The following FHL2 variants were observed in gnomAD, a reference collection of about 807,000 sequenced individuals.
FHL2 encodes four and a half LIM domains 2, also known as four and a half LIM domains protein 2.
FHL2 carries 20 observed loss-of-function variants against 32.7 expected under a neutral mutation model. The ratio of observed to expected loss-of-function variants is 0.61; its 90% CI spans 0.43 to 0.89. FHL2 has a LOEUF of 0.89. Ranked by LOEUF, FHL2 falls within the 40% of genes least tolerant of loss-of-function variation. FHL2 has a pLI of 0.00. For synonymous variants in FHL2, 123 were observed against 128.1 expected (o/e 0.96, Z 0.27); for missense variants, 311 against 358.6 (o/e 0.87, Z 1.07).
At chr2:105,373,888 C>T (rs1418717686) in intron 3 of FHL2, among the ~76,000 whole-genome samples, 155 bp from the exon 4 acceptor site, 1 of 152,234 alleles carries the variant, frequency 6.6e-6, no homozygotes, top group African/African-American at 2.4e-5. Context: ...GACCACCTAA[C>T]TGCTGAAATC....
chr2:105,366,051 C>CA (rs140245194), intron 5 of FHL2, among the ~76,000 whole-genome samples: 1,876 of 149,952 alleles, frequency 0.013, 48 homozygotes, highest in African/African-American at 0.044. Flanking sequence ...ACTAAAAATA[C>CA]AAAAAAAACC....
chr2:105,393,814 C>T (rs1682911380), intron 2 of FHL2, among the ~76,000 whole-genome samples: 2 of 152,350 alleles, frequency 1.3e-5, no homozygotes, highest in South Asian at 2.1e-4. Flanking sequence ...TCGCTGCCCT[C>T]GTCCCTCCTT....
intron 1 of FHL2, among the ~76,000 whole-genome samples, chr2:105,435,639 T>C (rs1166482975): frequency 2.0e-5 from 3 of 151,950 alleles, no homozygotes; most frequent in African/African-American, 7.3e-5. Context: ...CTGGCCAACA[T>C]GACGAAACAC....
upstream of FHL2, among the ~76,000 whole-genome samples, chr2:105,403,944 G>A (rs1328623329): frequency 6.6e-6 from 1 of 152,194 alleles, no homozygotes; most frequent in Non-Finnish European, 1.5e-5. Flanking sequence ...TCTGGGAGAG[G>A]CCAAAGAAAG....
At chr2:105,358,762 G>A (rs1355909956), downstream of FHL2, 1 of 152,196 alleles carries the variant, frequency 6.6e-6, no homozygotes, top group African/African-American at 2.4e-5. Flanking sequence ...TATCTGTAAA[G>A]TCCTGTCAGT....
chr2:105,403,249 G>A (rs190769014), upstream of FHL2, among the ~76,000 whole-genome samples: 9 of 152,308 alleles, frequency 5.9e-5, no homozygotes, highest in Non-Finnish European at 8.8e-5. Flanking sequence ...AAGAATTAAG[G>A]TTCAGATCCT....
chr2:105,372,482 TG>T (rs1681151432), intron 4 of FHL2, among the ~76,000 whole-genome samples: 1 of 152,020 alleles, frequency 6.6e-6, no homozygotes, highest in Non-Finnish European at 1.5e-5. Flanking sequence ...TCCTTAGCCT[TG>T]CAAAGTGCTG....
chr2:105,420,063 T>C (rs1684052971), intron 1 of FHL2, among the ~76,000 whole-genome samples: 1 of 152,190 alleles, frequency 6.6e-6, no homozygotes, highest in African/African-American at 2.4e-5. Flanking sequence ...CAATGCCCCA[T>C]TGTGTTAGTC....
intron 4 of FHL2, among the ~76,000 whole-genome samples, chr2:105,372,505 G>C (rs1252510109): frequency 6.6e-6 from 1 of 152,074 alleles, no homozygotes; most frequent in South Asian, 2.1e-4. Context: ...GATTACAGGG[G>C]TGAGCCACCA....
chr2:105,398,820 C>G lies in FHL2; in HGVS notation c.-76+22G>C, dbSNP rs759574878. 7.1e-6 allele frequency: 10 copies of G among 1,409,718 alleles called. No homozygotes were observed. In the South Asian group the frequency reaches 1.4e-4, roughly 19 times the overall value. The allele number at this position is 1,409,718 out of a possible 1,614,324, so 87.3% of individuals were successfully genotyped here. A position where few individuals can be genotyped will look rare whatever the true frequency, so the allele number is the denominator to read the frequency against. On this transcript the variant is annotated intron_variant, in intron 1 of 6. Transcript: ENST00000530340. ...CCTCTCCCAGTGGTCTTCCCGGACC[C>G]ACAGCTCTGCTCTCCTCTCACCAGT...
intron 1 of FHL2, among the ~76,000 whole-genome samples, chr2:105,398,444 C>G (rs1218938683): frequency 6.6e-6 from 1 of 152,216 alleles, no homozygotes; most frequent in Admixed American, 6.5e-5. Context: ...CGCAGACCAC[C>G]GTGCCAGGAC....
intron 1 of FHL2, chr2:105,396,928 A>C: frequency 4.0e-6 from 2 of 505,412 alleles, no homozygotes. Flanking sequence ...CGGTGCTGAC[A>C]AAGGAGGCTG....
At chr2:105,402,138 T>A (rs1032506364), upstream of FHL2, among the ~76,000 whole-genome samples, 10 of 149,606 alleles carry the variant, frequency 6.7e-5, no homozygotes, top group Non-Finnish European at 1.3e-4. Context: ...TATACACATA[T>A]ACACACATAT....
At chr2:105,396,267 T>C (rs1683123708) in intron 2 of FHL2, among the ~76,000 whole-genome samples, 1 of 152,092 alleles carries the variant, frequency 6.6e-6, no homozygotes, top group Non-Finnish European at 1.5e-5. Flanking sequence ...ATGGTGCAAA[T>C]TGCAGTCTGA....
rs1489750666 is a variant in FHL2, at chr2:105,394,168, AC to A, written c.-25+2478del. 2.0e-5 allele frequency among the ~76,000 whole-genome samples: 3 copies of A among 152,124 alleles called. No individual in the cohort carries two copies. The South Asian group carries it at 6.2e-4, about 32-fold the overall frequency. ...GAGTATCTACACACAAAAACCGCTC[AC>A]CCCCAACACTCTTCATTTGTCTAGC... On this transcript the variant is annotated intron_variant, in intron 2 of 6. Coordinates refer to ENST00000530340, the MANE Select transcript of FHL2 (RefSeq NM_001318895.3).
At chr2:105,399,560 T>C, upstream of FHL2, 1 of 1,535,840 alleles carries the variant, frequency 6.5e-7, no homozygotes, top group East Asian at 2.4e-5. Context: ...AATCCTTCGT[T>C]CCACTACGGA....
intron 1 of FHL2, among the ~76,000 whole-genome samples, chr2:105,408,180 G>A (rs1472836768): frequency 2.6e-5 from 4 of 152,096 alleles, no homozygotes; most frequent in East Asian, 3.9e-4. Flanking sequence ...CTAGGCAGCC[G>A]GCAGAGATGG....
intron 3 of FHL2, chr2:105,378,237 G>A: frequency 2.1e-6 from 1 of 466,874 alleles, no homozygotes; most frequent in Non-Finnish European, 4.5e-6. Context: ...GTTTAAGACT[G>A]ATTCATTGAC....
intron 1 of FHL2, among the ~76,000 whole-genome samples, chr2:105,413,894 C>T (rs1158761527): frequency 2.0e-5 from 3 of 152,214 alleles, no homozygotes; most frequent in Non-Finnish European, 4.4e-5. Context: ...CTCTAGAAGA[C>T]ACCAGCTGGG....
Sources: gnomAD v4.1 joint callset for allele counts (sites outside exome capture counted in the v4.1 genomes callset) on GRCh38, gnomAD v4.1.1 for gene constraint, MANE v1.5 for transcripts, NCBI Gene and HGNC (gene_info 2026-07-23, HGNC 2026-07-21) for gene names.